GRXCR1: variants seen among roughly 807,000 people sequenced by gnomAD.
The protein encoded by GRXCR1 is glutaredoxin domain-containing cysteine-rich protein 1.
Under a neutral mutation model 27.3 loss-of-function variants are expected in GRXCR1, and 27 were observed. The observed-to-expected ratio is 0.99, with a 90% confidence interval of 0.73 to 1.37. The LOEUF is 1.37. Ranked by LOEUF, GRXCR1 falls within the 40% of genes most tolerant of loss-of-function variation. The pLI, the probability that GRXCR1 is intolerant of heterozygous loss-of-function variation, is 0.00. For synonymous variants in GRXCR1, 122 were observed against 131.1 expected, an observed-to-expected ratio of 0.93 and a Z score of 0.47; for missense variants, 379 against 354.4, an observed-to-expected ratio of 1.07 and a Z score of -0.56.
rs991115458 is a variant in GRXCR1 at position 42,957,887 on chromosome 4, C to T, written c.385-5005C>T. ...TTCCTCAAAACAGCTATTTTAAATG[C>T]TTTGTCTGACAGGTCACTCTGTAAT... On this transcript the variant is annotated intron_variant, in intron 1 of 3. Transcript: ENST00000399770. Among the ~76,000 whole-genome samples the T allele has an allele frequency of 5.3e-5, 8 of 151,920 alleles. No individual in the cohort carries two copies. In the South Asian group the frequency reaches 6.2e-4, roughly 12 times the overall value.
At chr4:42,927,490 C>T (rs957225356) in intron 1 of GRXCR1, among the ~76,000 whole-genome samples, 28 of 151,970 alleles carry the variant, frequency 1.8e-4, no homozygotes, top group African/African-American at 5.3e-4. Flanking sequence ...CAGATTTTTA[C>T]GAAATGTTTA....
intron 2 of GRXCR1, among the ~76,000 whole-genome samples, chr4:43,009,354 A>C (rs1712666004): frequency 6.6e-6 from 1 of 152,090 alleles, no homozygotes; most frequent in Admixed American, 6.6e-5. Flanking sequence ...AGTTAATATA[A>C]ATTTTTAAAT....
chr4:42,999,931 T>C (rs1391762299), intron 2 of GRXCR1, among the ~76,000 whole-genome samples: 2 of 152,238 alleles, frequency 1.3e-5, no homozygotes, highest in Non-Finnish European at 2.9e-5. Context: ...TTTGTTCACC[T>C]TTCGTGATAC....
In GRXCR1 at chr4:42,954,297, G is replaced by A. The variant is rs570545912; in HGVS notation, c.385-8595G>A. ...ATTTAACCAGAGATTAGAAGAAAGC[G>A]TAGGGATGAGTAATGGAATTTCTAG... On this transcript the variant is annotated intron_variant, in intron 1 of 3. Transcript: ENST00000399770. 1.2e-4 allele frequency among the ~76,000 whole-genome samples: 18 copies of A among 152,226 alleles called. No individual in the cohort carries two copies. The South Asian group carries it at 3.3e-3, about 28-fold the overall frequency.
intron 2 of GRXCR1, among the ~76,000 whole-genome samples, chr4:42,964,222 A>G (rs1401047582): frequency 6.6e-6 from 1 of 152,014 alleles, no homozygotes; most frequent in Non-Finnish European, 1.5e-5. Flanking sequence ...CAATAGCAGT[A>G]ACAATCATGG....
At chr4:43,009,875 C>G (rs1490212119) in intron 2 of GRXCR1, among the ~76,000 whole-genome samples, 1 of 152,130 alleles carries the variant, frequency 6.6e-6, no homozygotes, top group African/African-American at 2.4e-5. Flanking sequence ...ATATATCTAT[C>G]TATGTATCTA....
chr4:42,928,539 G>A (rs1484107912), intron 1 of GRXCR1, among the ~76,000 whole-genome samples: 2 of 151,968 alleles, frequency 1.3e-5, no homozygotes, highest in Non-Finnish European at 2.9e-5. Flanking sequence ...AGTCAGGCAG[G>A]TGTGGCCACA....
At chr4:42,975,259 A>G (rs1050858594) in intron 2 of GRXCR1, among the ~76,000 whole-genome samples, 2 of 152,116 alleles carry the variant, frequency 1.3e-5, no homozygotes, top group South Asian at 4.1e-4. Flanking sequence ...GCCTAGAGGG[A>G]TTGAATAGTT....
In GRXCR1 at chr4:43,030,633, T is replaced by C; in HGVS notation, c.*93T>C. On this transcript the variant is annotated 3_prime_UTR_variant, in exon 4 of 4. Coordinates refer to ENST00000399770, the MANE Select transcript of GRXCR1 (RefSeq NM_001080476.3). ...TTTTTAAATGGTTATGTTTATGGAT[T>C]AATCAATAAACTTTGTTTATTATAA... 6 of 1,000,546 alleles carry C rather than the reference T, an allele frequency of 6.0e-6. No individual in the cohort carries two copies. The highest frequency in any genetic ancestry group is 9.2e-6 in the Non-Finnish European group (6 of 653,342). 62.0% of individuals were successfully genotyped at this position (1,000,546 alleles called of 1,614,324 possible).
intron 2 of GRXCR1, among the ~76,000 whole-genome samples, chr4:42,973,695 G>C (rs1285897356): frequency 6.6e-6 from 1 of 151,946 alleles, no homozygotes; most frequent in Non-Finnish European, 1.5e-5. Flanking sequence ...CACCTAAGTG[G>C]GTATATCAAA....
At chr4:42,944,078 G>A (rs1192211754) in intron 1 of GRXCR1, among the ~76,000 whole-genome samples, 1 of 151,966 alleles carries the variant, frequency 6.6e-6, no homozygotes, top group African/African-American at 2.4e-5. Flanking sequence ...GCAGCAATAG[G>A]AACAGAGCAA....
chr4:42,912,601 A>G (rs1348678361), intron 1 of GRXCR1, among the ~76,000 whole-genome samples: 1 of 152,164 alleles, frequency 6.6e-6, no homozygotes, highest in African/African-American at 2.4e-5. Flanking sequence ...TCAATAGTTT[A>G]GTTTCAGCAG....
At chr4:43,014,648 CCTCTATGTAT>C (rs1712874418) in intron 2 of GRXCR1, among the ~76,000 whole-genome samples, 1 of 152,238 alleles carries the variant, frequency 6.6e-6, no homozygotes, top group Non-Finnish European at 1.5e-5. Context: ...CCTTCTCAAT[CCTCTATGTAT>C]CTGGCCTTTT....
At chr4:42,953,452 CT>C (rs2109770274) in intron 1 of GRXCR1, among the ~76,000 whole-genome samples, 1 of 152,264 alleles carries the variant, frequency 6.6e-6, no homozygotes, top group South Asian at 2.1e-4. Flanking sequence ...ACAGCTTCAG[CT>C]ACAATCCTAG....
At chr4:43,012,548 G>A (rs991422043) in intron 2 of GRXCR1, among the ~76,000 whole-genome samples, 5 of 152,034 alleles carry the variant, frequency 3.3e-5, no homozygotes, top group Non-Finnish European at 7.4e-5. Context: ...TGCTCTTTGG[G>A]AATTTATTAC....
At chr4:42,951,357 T>C (rs1341653781) in intron 1 of GRXCR1, among the ~76,000 whole-genome samples, 2 of 152,176 alleles carry the variant, frequency 1.3e-5, no homozygotes, top group Non-Finnish European at 2.9e-5. Flanking sequence ...TAATGTTTAA[T>C]CAGATATCTG....
At chr4:42,920,745 T>A (rs1016459957) in intron 1 of GRXCR1, among the ~76,000 whole-genome samples, 16 of 152,242 alleles carry the variant, frequency 1.1e-4, no homozygotes, top group African/African-American at 3.9e-4. Context: ...TTTTGGAATA[T>A]CAAATATGTA....
chr4:42,932,084 A>G (rs1009190660), intron 1 of GRXCR1, among the ~76,000 whole-genome samples: 2 of 151,982 alleles, frequency 1.3e-5, no homozygotes, highest in Non-Finnish European at 2.9e-5. Flanking sequence ...CCTTCCCATG[A>G]CATGTGGGAA....
intron 1 of GRXCR1, among the ~76,000 whole-genome samples, chr4:42,960,244 C>T (rs896248396): frequency 3.3e-5 from 5 of 151,856 alleles, no homozygotes; most frequent in African/African-American, 9.7e-5. Flanking sequence ...TGTACCTATT[C>T]GAAGTAGTGG....
Sources: gnomAD v4.1 joint callset for allele counts (sites outside exome capture counted in the v4.1 genomes callset) on GRCh38, gnomAD v4.1.1 for gene constraint, MANE v1.5 for transcripts, NCBI Gene and HGNC (gene_info 2026-07-23, HGNC 2026-07-21) for gene names.